The following GFRA2 variants were observed in gnomAD, a reference collection of about 807,000 sequenced individuals.
GFRA2 encodes GDNF family receptor alpha 2.
Under a neutral mutation model 48.3 loss-of-function variants are expected in GFRA2, and 17 were observed. The ratio of observed to expected loss-of-function variants is 0.35; its 90% confidence interval spans 0.24 to 0.53. The LOEUF (loss-of-function observed/expected upper bound fraction) is 0.53, where lower values mean the gene tolerates loss of function less well. Among genes scored for constraint, GFRA2 ranks in the 20% least tolerant of loss-of-function variants. The probability of loss-of-function intolerance (pLI) is 0.93; values close to 1 mark genes in which losing one functional copy is unlikely to be tolerated. For missense variants in GFRA2, 660 were observed against 637.3 expected (o/e 1.04, Z -0.38); for synonymous variants, 305 against 257.2 (o/e 1.19, Z -1.78).
chr8:21,732,662 G>C (rs937822933), intron 4 of GFRA2, among the ~76,000 whole-genome samples: 1 of 152,250 alleles, frequency 6.6e-6, no homozygotes, highest in African/African-American at 2.4e-5. Context: ...GCAGGCCACA[G>C]ACAGGGGCAG....
Position 21,774,977 on chromosome 8 carries a change from A to G in GFRA2, c.434T>C (p.Phe145Ser). ...CCCAGTGCGAGCTCACTTACCTGAG[A>G]AGATTGAAGCAAGCCTGAAGATGTC... ...LSDIFRLASIFSGTGADPVVS... is the reference protein window; with the variant it reads ...LSDIFRLASISSGTGADPVVS... Residue 145 changes from phenylalanine to serine, a missense_variant, in exon 3 of 9, where the codon TTC (phenylalanine) becomes TCC (serine). By Grantham distance (155) the Phe-to-Ser change is radical. Coordinates refer to ENST00000524240, the MANE Select transcript of GFRA2 (RefSeq NM_001495.5). 3 of 1,580,248 alleles carry G rather than the reference A, an allele frequency of 1.9e-6. No homozygotes were observed. Among genetic ancestry groups the G allele is most frequent in the African/African-American group, 1.3e-5 (1 of 74,380 alleles).
At chr8:21,753,687 TAC>T (rs1805409015) in intron 3 of GFRA2, among the ~76,000 whole-genome samples, 1 of 152,244 alleles carries the variant, frequency 6.6e-6, no homozygotes, top group African/African-American at 2.4e-5. Context: ...TTACTTTGAT[TAC>T]ACATCGAAGG....
At chr8:21,758,338 C>A (rs1035561732) in intron 3 of GFRA2, among the ~76,000 whole-genome samples, 1 of 152,158 alleles carries the variant, frequency 6.6e-6, no homozygotes, top group African/African-American at 2.4e-5. Flanking sequence ...CTGCCACCTC[C>A]CAACAGAGAG....
chr8:21,768,584 G>A (rs1806291819), intron 3 of GFRA2, among the ~76,000 whole-genome samples: 2 of 152,162 alleles, frequency 1.3e-5, no homozygotes. Context: ...CGGGCCTGGG[G>A]TGCACAGAGG....
intron 4 of GFRA2, among the ~76,000 whole-genome samples, chr8:21,710,309 C>A (rs1413863552): frequency 6.6e-6 from 1 of 152,218 alleles, no homozygotes; most frequent in Non-Finnish European, 1.5e-5. Context: ...ACAGGAGGCA[C>A]CATCCTCATC....
At chr8:21,743,883 G>C (rs946707486) in intron 4 of GFRA2, among the ~76,000 whole-genome samples, 10 of 152,106 alleles carry the variant, frequency 6.6e-5, no homozygotes, top group Non-Finnish European at 1.2e-4. Context: ...GAGAGATCAA[G>C]GAACCCTTAG....
chr8:21,701,569 T>A (rs1224078987), intron 7 of GFRA2, among the ~76,000 whole-genome samples: 1 of 152,144 alleles, frequency 6.6e-6, no homozygotes, highest in African/African-American at 2.4e-5. Context: ...CCAGACTGAC[T>A]TAGTCTGTAG....
chr8:21,795,380 T>A (rs1807651673), intron 2 of GFRA2, among the ~76,000 whole-genome samples: 1 of 151,594 alleles, frequency 6.6e-6, no homozygotes, highest in African/African-American at 2.4e-5. Flanking sequence ...TCTTTTTTCT[T>A]TTTCTTTTTA....
At chr8:21,721,024 G>A (rs1803568030) in intron 4 of GFRA2, among the ~76,000 whole-genome samples, 1 of 140,048 alleles carries the variant, frequency 7.1e-6, no homozygotes, top group Non-Finnish European at 1.6e-5. Flanking sequence ...GAGGGGAGGG[G>A]AAGGGAAGGG....
At chr8:21,711,930 T>G (rs1803056210) in intron 4 of GFRA2, among the ~76,000 whole-genome samples, 1 of 152,230 alleles carries the variant, frequency 6.6e-6, no homozygotes, top group Admixed American at 6.5e-5. Context: ...AAGCACATCT[T>G]GCACTGCCCG....
intron 8 of GFRA2, 21 bp from the exon 9 acceptor site, chr8:21,693,421 G>C: frequency 6.3e-7 from 1 of 1,594,586 alleles, no homozygotes; most frequent in East Asian, 2.3e-5. Context: ...AGCAGGAGAA[G>C]AATCAGGAAC....
chr8:21,705,842 C>A, intron 5 of GFRA2, 90 bp downstream of exon 5: 4 of 800,394 alleles, frequency 5.0e-6, no homozygotes, highest in Non-Finnish European at 8.1e-6. Flanking sequence ...CTGTCTCCCC[C>A]AGCTGGCCCT....
At chr8:21,791,982 C>T (rs934327250), upstream of GFRA2, among the ~76,000 whole-genome samples, 4 of 152,228 alleles carry the variant, frequency 2.6e-5, no homozygotes, top group Non-Finnish European at 1.5e-5. Context: ...CCTTTTACAG[C>T]CTTCCTGGCT....
intron 2 of GFRA2, among the ~76,000 whole-genome samples, chr8:21,800,520 T>C (rs373728427): frequency 2.6e-5 from 4 of 152,230 alleles, no homozygotes; most frequent in Non-Finnish European, 5.9e-5. Flanking sequence ...CCTAGTTCCA[T>C]GAATTCTGAG....
At chr8:21,715,465 C>T (rs1297330946) in intron 4 of GFRA2, among the ~76,000 whole-genome samples, 2 of 152,218 alleles carry the variant, frequency 1.3e-5, no homozygotes, top group Non-Finnish European at 2.9e-5. Context: ...CGCACCACCA[C>T]GCATGGCTAA....
chr8:21,794,427 T>C (rs1807633273), intron 2 of GFRA2, among the ~76,000 whole-genome samples: 6 of 151,494 alleles, frequency 4.0e-5, no homozygotes, highest in Admixed American at 3.9e-4. Context: ...ATTTTTGTAT[T>C]TTTAGTAGAG....
intron 1 of GFRA2, among the ~76,000 whole-genome samples, chr8:21,784,870 G>C (rs1443692238): frequency 6.6e-6 from 1 of 152,154 alleles, no homozygotes; most frequent in African/African-American, 2.4e-5. Context: ...CCCGGCTTCA[G>C]CAGATTCCTA....
intron 3 of GFRA2, chr8:21,769,117 A>ATCTG: frequency 1.1e-5 from 10 of 949,756 alleles, no homozygotes; most frequent in Non-Finnish European, 1.3e-5. Context: ...ATGAGTATCT[A>ATCTG]CCTGTTGCAC....
At chr8:21,712,455 C>T (rs935190070) in intron 4 of GFRA2, among the ~76,000 whole-genome samples, 5 of 151,608 alleles carry the variant, frequency 3.3e-5, no homozygotes, top group Admixed American at 6.6e-5. Context: ...GGATGGTGGC[C>T]GGGAAGAGGC....
Sources: gnomAD v4.1 joint callset for allele counts (sites outside exome capture counted in the v4.1 genomes callset) on GRCh38, gnomAD v4.1.1 for gene constraint, MANE v1.5 for transcripts, NCBI Gene and HGNC (gene_info 2026-07-23, HGNC 2026-07-21) for gene names.